SHROOM2: variants seen among roughly 807,000 people sequenced by gnomAD.
SHROOM2 encodes protein Shroom2.
In SHROOM2, 33 loss-of-function variants were observed where a neutral mutation model predicts 75.9. The ratio of observed to expected loss-of-function variants is 0.43; its 90% CI spans 0.33 to 0.58. The LOEUF (loss-of-function observed/expected upper bound fraction) is 0.58. Among genes scored for constraint, SHROOM2 ranks in the 20% least tolerant of loss-of-function variants. The pLI is 0.04. For synonymous variants in SHROOM2, 655 were observed against 663.6 expected, an observed-to-expected ratio of 0.99 and a Z score of 0.20; for missense variants, 1,434 against 1,461.2, an observed-to-expected ratio of 0.98 and a Z score of 0.30.
chrX:9,809,883 C>T (rs1212213047), intron 1 of SHROOM2, among the ~76,000 whole-genome samples: 1 of 112,008 alleles, frequency 8.9e-6, no homozygotes, highest in African/African-American at 3.2e-5. Context: ...ACCATGTTTT[C>T]CAGGCTGGTC....
At chrX:9,912,625 TC>T (rs1416881616) in intron 5 of SHROOM2, 4 of 111,557 alleles carry the variant, frequency 3.6e-5, no homozygotes, top group Non-Finnish European at 7.5e-5. Flanking sequence ...GCGTTTGCTC[TC>T]GGGGCACTTC....
intron 1 of SHROOM2, among the ~76,000 whole-genome samples, chrX:9,793,791 C>T (rs1434322468): frequency 9.2e-6 from 1 of 109,111 alleles, no homozygotes; most frequent in African/African-American, 3.3e-5. Flanking sequence ...CTTGCTCAAG[C>T]TGGAGTGCAG....
intron 1 of SHROOM2, among the ~76,000 whole-genome samples, chrX:9,832,636 G>A (rs866890531): frequency 5.1e-4 from 56 of 110,797 alleles, no homozygotes; most frequent in African/African-American, 1.7e-3. Flanking sequence ...GCAGGAGCCT[G>A]CATATGAACC....
chrX:9,891,170 C>T, intron 3 of SHROOM2, 62 bp downstream of exon 3: 1 of 1,109,164 alleles, frequency 9.0e-7, no homozygotes, highest in Non-Finnish European at 1.2e-6. Context: ...GAGCGCACTC[C>T]TGACTGCAGA....
In SHROOM2 at chrX:9,894,430, C is replaced by T. The variant is rs757672393; in HGVS notation, c.522C>T (p.Ser174=). 3.3e-6 allele frequency: 4 copies of T among 1,211,362 alleles called. No homozygotes were observed. The highest frequency in any genetic ancestry group is 1.8e-5 in the South Asian group (1 of 56,908). ...NLQRTLDHFS[S]LGSVDSLDHP... is the part of the protein sequence containing the mutation. ...AGCGCACCTTAGATCACTTCAGCTCCTTGGGGAGCGTTGACAGCCTGGACC... is the reference window on the plus strand; with the variant it reads ...AGCGCACCTTAGATCACTTCAGCTCTTTGGGGAGCGTTGACAGCCTGGACC... Residue 174 remains serine, a synonymous_variant, in exon 4 of 10, where the codon TCC becomes TCT. Coordinates refer to ENST00000380913, the MANE Select transcript of SHROOM2 (RefSeq NM_001649.4).
At chrX:9,934,788 C>T (rs939256101) in intron 6 of SHROOM2, among the ~76,000 whole-genome samples, 7 of 110,944 alleles carry the variant, frequency 6.3e-5, no homozygotes, top group East Asian at 2.8e-4. Flanking sequence ...TTTTCCTTCC[C>T]GGTACTGTAT....
intron 6 of SHROOM2, among the ~76,000 whole-genome samples, chrX:9,935,238 G>A (rs953647119): frequency 9.0e-6 from 1 of 111,220 alleles, no homozygotes; most frequent in African/African-American, 3.3e-5. Context: ...CCGGGGGGGC[G>A]GGGGTGAAGG....
chrX:9,878,041 G>C (rs1391724343), intron 2 of SHROOM2, among the ~76,000 whole-genome samples: 8 of 112,236 alleles, frequency 7.1e-5, no homozygotes, highest in Non-Finnish European at 1.3e-4. Flanking sequence ...GTTAAGTTCA[G>C]CTTCTAAAAA....
intron 5 of SHROOM2, among the ~76,000 whole-genome samples, chrX:9,900,783 G>T (rs1361971591): frequency 9.0e-6 from 1 of 110,896 alleles, no homozygotes; most frequent in Non-Finnish European, 1.9e-5. Flanking sequence ...TGAACCTGAG[G>T]GAGCAGACCC....
chrX:9,932,571 G>T lies in SHROOM2; in HGVS notation c.3288G>T (p.Thr1096=). Reference sequence around the variant, plus strand: ...GCGTCCTCGGCAGGCCCTTCCCAACGCCATCCCCTGCGTCCCTGGATGTGT... The same window carrying T: ...GCGTCCTCGGCAGGCCCTTCCCAACTCCATCCCCTGCGTCCCTGGATGTGT... ...PVGVLGRPFP[T]PSPASLDVYV... is the part of the protein sequence containing the mutation. Residue 1096 remains threonine, a synonymous_variant, in exon 6 of 10, where the codon ACG becomes ACT. Transcript: ENST00000380913. The T allele has an allele frequency of 8.3e-7, 1 of 1,211,353 alleles. No individual in the cohort carries two copies. Among genetic ancestry groups the T allele is most frequent in the Non-Finnish European group, 1.1e-6 (1 of 895,386 alleles).
chrX:9,940,396 G>A (rs145458752), intron 8 of SHROOM2, among the ~76,000 whole-genome samples: 236 of 111,524 alleles, frequency 2.1e-3, no homozygotes, highest in Middle Eastern at 9.2e-3. Flanking sequence ...TGATTCTGCC[G>A]CCCTCATCTG....
At chrX:9,827,211 A>ATTTTTTTT (rs2083891785) in intron 1 of SHROOM2, among the ~76,000 whole-genome samples, 1 of 45,528 alleles carries the variant, frequency 2.2e-5, no homozygotes, top group Non-Finnish European at 3.9e-5. Context: ...TAGCCTTGAC[A>ATTTTTTTT]TTTTTCTTTT....
chrX:9,787,171 A>G lies in SHROOM2; in HGVS notation c.165+461A>G, dbSNP rs990063411. Among the ~76,000 whole-genome samples, 6 of 112,099 alleles carry G rather than the reference A, an allele frequency of 5.4e-5. No homozygotes were observed. In the South Asian group the frequency reaches 2.2e-3, roughly 42 times the overall value. ...CAGCTGTCGCCAGCGCAACTTCTCGATTCCCTTCAGCCCATCAATGTTTAC... is the reference window on the plus strand; with the variant it reads ...CAGCTGTCGCCAGCGCAACTTCTCGGTTCCCTTCAGCCCATCAATGTTTAC... On this transcript the variant is annotated intron_variant, in intron 1 of 9. Transcript: ENST00000380913.
intron 5 of SHROOM2, among the ~76,000 whole-genome samples, chrX:9,907,285 C>T (rs776572519): frequency 1.8e-5 from 2 of 110,967 alleles, no homozygotes; most frequent in African/African-American, 6.6e-5. Context: ...TTACCTGTGG[C>T]TCCCTGAGCA....
At chrX:9,940,678 C>T (rs1322100496) in intron 8 of SHROOM2, among the ~76,000 whole-genome samples, 1 of 112,616 alleles carries the variant, frequency 8.9e-6, no homozygotes, top group Non-Finnish European at 1.9e-5. Flanking sequence ...CGCAGCCACA[C>T]GCTTATGATG....
chrX:9,852,186 A>G (rs984232304), intron 1 of SHROOM2, among the ~76,000 whole-genome samples: 27 of 112,446 alleles, frequency 2.4e-4, no homozygotes, highest in African/African-American at 8.7e-4. Context: ...GAAAAGGTAG[A>G]TGCGGTAATC....
intron 5 of SHROOM2, among the ~76,000 whole-genome samples, chrX:9,930,193 A>C (rs1340870751): frequency 9.0e-6 from 1 of 110,905 alleles, no homozygotes; most frequent in Non-Finnish European, 1.9e-5. Context: ...GTGTACCTCA[A>C]CTCTTTGGCA....
intron 2 of SHROOM2, among the ~76,000 whole-genome samples, chrX:9,875,113 G>GAAAAAAAAAAAAA: frequency 5.6e-5 from 2 of 35,470 alleles, no homozygotes; most frequent in Non-Finnish European, 1.7e-4. Flanking sequence ...AAAAAAAAGG[G>GAAAAAAAAAAAAA]GAGGAAGGAA....
chrX:9,790,185 G>C (rs2146719782), intron 1 of SHROOM2, among the ~76,000 whole-genome samples: 1 of 111,892 alleles, frequency 8.9e-6, no homozygotes, highest in South Asian at 3.7e-4. Flanking sequence ...ACTGGTGGTT[G>C]GTGATGGGCA....
Sources: allele counts gnomAD v4.1 joint callset (sites outside exome capture counted in the v4.1 genomes callset), GRCh38; gene constraint gnomAD v4.1.1; transcripts MANE v1.5; gene names NCBI Gene and HGNC (gene_info 2026-07-23, HGNC 2026-07-21).